Variants in GALK2 observed in about 807,000 individuals in gnomAD.
The protein encoded by GALK2 is galactokinase 2.
A neutral mutation model predicts 52.4 loss-of-function variants in GALK2; 36 were observed. That is an observed-to-expected ratio of 0.69 (90% CI 0.53 to 0.91). The LOEUF is 0.91. Ranked by LOEUF, GALK2 falls within the 40% of genes least tolerant of loss-of-function variation. The pLI is 0.00. For missense variants in GALK2, 579 were observed against 559.1 expected, an observed-to-expected ratio of 1.04 and a Z score of -0.36; for synonymous variants, 176 against 199.1, an observed-to-expected ratio of 0.88 and a Z score of 0.98.
At chr15:49,277,664 C>T (rs1273413024) in intron 5 of GALK2, among the ~76,000 whole-genome samples, 2 of 149,964 alleles carry the variant, frequency 1.3e-5, no homozygotes, top group Admixed American at 1.3e-4. Flanking sequence ...GGCGTGTTGG[C>T]GGGCGCCTGT....
chr15:49,199,928 G>A (rs1417434883), intron 1 of GALK2, among the ~76,000 whole-genome samples: 2 of 152,168 alleles, frequency 1.3e-5, no homozygotes, highest in African/African-American at 4.8e-5. Flanking sequence ...ATTCCCAAGA[G>A]ACGAGCTTGA....
intron 5 of GALK2, among the ~76,000 whole-genome samples, chr15:49,246,115 A>G (rs985507189): frequency 2.6e-5 from 4 of 152,216 alleles, no homozygotes; most frequent in African/African-American, 9.6e-5. Flanking sequence ...ATCTTTCGCC[A>G]AGAAAATGTT....
intron 8 of GALK2, among the ~76,000 whole-genome samples, chr15:49,313,919 C>G (rs1291008706): frequency 6.6e-6 from 1 of 151,918 alleles, no homozygotes. Flanking sequence ...AAAGAAGAGG[C>G]CACTAGCCCT....
At chr15:49,177,120 G>A (rs1236365891) in intron 1 of GALK2, among the ~76,000 whole-genome samples, 1 of 151,726 alleles carries the variant, frequency 6.6e-6, no homozygotes, top group Non-Finnish European at 1.5e-5. Context: ...GACACTCAAA[G>A]TTCTTTTTCT....
chr15:49,260,000 T>C (rs1024649219), intron 5 of GALK2, among the ~76,000 whole-genome samples: 2 of 151,378 alleles, frequency 1.3e-5, no homozygotes, highest in Non-Finnish European at 3.0e-5. Context: ...TTTGGGTTGG[T>C]TCCAAGTCTT....
At chr15:49,314,047 C>T (rs1448330128) in intron 8 of GALK2, among the ~76,000 whole-genome samples, 2 of 152,146 alleles carry the variant, frequency 1.3e-5, no homozygotes, top group Non-Finnish European at 1.5e-5. Flanking sequence ...GTGTGCCTCA[C>T]CTGTCAAAGG....
chr15:49,280,109 A>ACTTT (rs2141749501), intron 5 of GALK2, among the ~76,000 whole-genome samples: 1 of 152,204 alleles, frequency 6.6e-6, no homozygotes, highest in Non-Finnish European at 1.5e-5. Flanking sequence ...GAAACACCAT[A>ACTTT]CTTTATTCAT....
intron 3 of GALK2, among the ~76,000 whole-genome samples, chr15:49,227,097 C>T (rs532181105): frequency 6.6e-5 from 10 of 152,280 alleles, no homozygotes; most frequent in African/African-American, 2.4e-4. Flanking sequence ...AATGTATATT[C>T]TGTAGCTGCT....
At position 49,328,473 on chromosome 15, in the gene GALK2, A is replaced by G; in HGVS notation, c.*314A>G. 1.2e-5 allele frequency: 19 copies of G among 1,535,694 alleles called. No individual in the cohort carries two copies. The highest frequency in any genetic ancestry group is 1.7e-5 in the Non-Finnish European group (19 of 1,140,432). ...AAAACACACTCTTAATACTGATTAC[A>G]TGGATTGGACTTGAATTAAATATAT... On this transcript the variant is annotated 3_prime_UTR_variant, in exon 10 of 10. Coordinates refer to ENST00000560031, the MANE Select transcript of GALK2 (RefSeq NM_002044.4).
chr15:49,210,485 G>A (rs1011007900), intron 2 of GALK2, among the ~76,000 whole-genome samples: 1 of 151,666 alleles, frequency 6.6e-6, no homozygotes, highest in East Asian at 1.9e-4. Context: ...TGTTGCCCAA[G>A]CTGGAGTGCA....
chr15:49,266,144 C>T (rs1300455039), intron 5 of GALK2, among the ~76,000 whole-genome samples: 2 of 152,104 alleles, frequency 1.3e-5, no homozygotes. Context: ...GGCCTTGGGC[C>T]ACATGTTTAT....
At chr15:49,222,117 T>G (rs1247129357) in intron 3 of GALK2, among the ~76,000 whole-genome samples, 1 of 152,132 alleles carries the variant, frequency 6.6e-6, no homozygotes. Context: ...AGATCTTTCA[T>G]CTCCTTGGTT....
chr15:49,365,070 C>G, intron 3 of GALK2: 1 of 576,720 alleles, frequency 1.7e-6, no homozygotes, highest in East Asian at 2.8e-5. Flanking sequence ...TTTAAAAAGT[C>G]AAAGTCTATT....
Position 49,282,060 on chromosome 15 carries a change from T to C in GALK2, c.578T>C (p.Ile193Thr), listed in dbSNP as rs200800702. The change falls in exon 6 of 10, where the codon ATA becomes ACA. Residue 193 changes from isoleucine to threonine, a missense_variant. Coordinates refer to ENST00000560031, the MANE Select transcript of GALK2 (RefSeq NM_002044.4). ...GAAGGAGGAGGCATGGACCAGTCTA[T>C]ATCATTTCTTGCAGAAGAAGGAACT... ...GTEGGGMDQS[I>T]SFLAEEGTAK... The C allele has an allele frequency of 2.5e-6, 4 of 1,613,392 alleles. No individual in the cohort carries two copies. The highest frequency in any genetic ancestry group is 3.3e-4 in the Middle Eastern group (2 of 6,058).
chr15:49,364,986 C>T (rs1334631206), intron 3 of GALK2: 1 of 399,442 alleles, frequency 2.5e-6, no homozygotes, highest in Non-Finnish European at 4.5e-6. Flanking sequence ...ATGTAACTGT[C>T]AGTACCAGCT....
intron 4 of GALK2, among the ~76,000 whole-genome samples, chr15:49,237,545 C>T (rs867444380): frequency 2.0e-5 from 3 of 151,972 alleles, no homozygotes; most frequent in Non-Finnish European, 1.5e-5. Flanking sequence ...GGCGTGATCT[C>T]GGCTCACTGC....
chr15:49,313,777 C>T (rs1432785045), intron 8 of GALK2, among the ~76,000 whole-genome samples: 1 of 152,150 alleles, frequency 6.6e-6, no homozygotes, highest in East Asian at 1.9e-4. Context: ...TTATGGCATC[C>T]CTCTTAGTAG....
intron 6 of GALK2, 83 bp from the exon 7 acceptor site, chr15:49,283,483 C>T: frequency 8.1e-7 from 1 of 1,242,204 alleles, no homozygotes; most frequent in Non-Finnish European, 1.1e-6. Flanking sequence ...TTTGACAAAA[C>T]ACTTTAAGAT....
At chr15:49,343,968 T>C (rs1188423386) in intron 3 of GALK2, 2 of 152,232 alleles carry the variant, frequency 1.3e-5, no homozygotes, top group Non-Finnish European at 2.9e-5. Context: ...CAGGTTACTT[T>C]CAAATTTTGG....
Sources: allele counts gnomAD v4.1 joint callset (sites outside exome capture counted in the v4.1 genomes callset), GRCh38; gene constraint gnomAD v4.1.1; transcripts MANE v1.5; gene names NCBI Gene and HGNC (gene_info 2026-07-23, HGNC 2026-07-21).